Variants in ZC3H12C observed in about 807,000 individuals in gnomAD.
ZC3H12C encodes zinc finger CCCH-type containing 12C, also known as probable ribonuclease ZC3H12C.
In ZC3H12C, 20 loss-of-function variants were observed where a neutral mutation model predicts 76.3. The ratio of observed to expected loss-of-function variants is 0.26; its 90% CI spans 0.18 to 0.38. The LOEUF (loss-of-function observed/expected upper bound fraction) is 0.38, where lower values mean the gene tolerates loss of function less well. Ranked by LOEUF, ZC3H12C falls within the 10% of genes least tolerant of loss-of-function variation. The probability of loss-of-function intolerance (pLI) is 1.00; values close to 1 mark genes in which losing one functional copy is unlikely to be tolerated. For missense variants in ZC3H12C, 874 were observed against 1,086.5 expected, an observed-to-expected ratio of 0.80 and a Z score of 2.75; for synonymous variants, 352 against 399.6, an observed-to-expected ratio of 0.88 and a Z score of 1.42.
At chr11:110,163,692 C>T (rs902313414) in intron 5 of ZC3H12C, among the ~76,000 whole-genome samples, 18 of 152,268 alleles carry the variant, frequency 1.2e-4, no homozygotes, top group African/African-American at 4.3e-4. Flanking sequence ...ATGGTTCTAT[C>T]GCCCTACAGT....
intron 2 of ZC3H12C, among the ~76,000 whole-genome samples, chr11:110,138,769 G>T (rs657175): frequency 0.5 from 75,560 of 151,868 alleles, 19,081 homozygotes; most frequent in East Asian, 0.72. Flanking sequence ...ATGTTGGCCA[G>T]GCTGGTTTCA....
At chr11:110,141,757 C>T (rs144209516) in intron 2 of ZC3H12C, among the ~76,000 whole-genome samples, 4 of 152,288 alleles carry the variant, frequency 2.6e-5, no homozygotes, top group African/African-American at 9.6e-5. Flanking sequence ...AACTACATAT[C>T]ACATTTCGGA....
chr11:110,131,477 C>A lies in ZC3H12C; in HGVS notation c.22-5186C>A. On this transcript the variant is annotated intron_variant, in intron 1 of 5. Coordinates refer to ENST00000278590, the MANE Select transcript of ZC3H12C (RefSeq NM_033390.2). ...GTTTCTTAAGATGTCACTGTCGTAC[C>A]CAGGTGCTATAAAATGATAAGATTT... 6 of 221,450 alleles carry A rather than the reference C, an allele frequency of 2.7e-5. 1 individual carries two copies. In the South Asian group the frequency reaches 4.5e-4, roughly 17 times the overall value. The allele number at this position is 221,450 out of a possible 1,614,324, so 13.7% of individuals were successfully genotyped here. A position where few individuals can be genotyped will look rare whatever the true frequency, so the allele number is the denominator to read the frequency against.
At chr11:110,106,623 G>A (rs942667902) in intron 1 of ZC3H12C, among the ~76,000 whole-genome samples, 4 of 152,142 alleles carry the variant, frequency 2.6e-5, no homozygotes, top group South Asian at 4.1e-4. Context: ...GGTATATATC[G>A]AAGCACTTAA....
intron 1 of ZC3H12C, among the ~76,000 whole-genome samples, chr11:110,116,936 G>C (rs1487211411): frequency 1.3e-5 from 2 of 152,060 alleles, no homozygotes; most frequent in East Asian, 3.9e-4. Context: ...TCTTTTCTTT[G>C]TACTTTATAC....
At chr11:110,143,893 C>T (rs746134788) in intron 2 of ZC3H12C, among the ~76,000 whole-genome samples, 1 of 152,012 alleles carries the variant, frequency 6.6e-6, no homozygotes. Flanking sequence ...GTCCTTATCA[C>T]GATAGGTAGG....
intron 1 of ZC3H12C, among the ~76,000 whole-genome samples, chr11:110,094,313 C>T (rs1270734421): frequency 6.6e-6 from 1 of 152,106 alleles, no homozygotes; most frequent in African/African-American, 2.4e-5. Context: ...TATCCCAGGC[C>T]CATCAGGCGC....
intron 1 of ZC3H12C, among the ~76,000 whole-genome samples, chr11:110,093,747 C>A (rs1250583506): frequency 4.6e-5 from 7 of 152,112 alleles, no homozygotes; most frequent in Non-Finnish European, 7.4e-5. Context: ...CCGGTCCCCG[C>A]CCGCCCGGGG....
At chr11:110,121,210 G>A (rs1861645453) in intron 1 of ZC3H12C, among the ~76,000 whole-genome samples, 1 of 152,178 alleles carries the variant, frequency 6.6e-6, no homozygotes, top group Admixed American at 6.5e-5. Context: ...TTATGTGAGG[G>A]AAGTAAACAA....
Position 110,154,416 on chromosome 11 carries a change from G to A in ZC3H12C, c.913+1358G>A, listed in dbSNP as rs74241324. ...TTTTATGTATAATTATTACATCATTGTTAAATTAACATAAGAATGAATAGG... is the reference window on the plus strand; with the variant it reads ...TTTTATGTATAATTATTACATCATTATTAAATTAACATAAGAATGAATAGG... On this transcript the variant is annotated intron_variant, in intron 3 of 5. Coordinates refer to ENST00000278590, the MANE Select transcript of ZC3H12C (RefSeq NM_033390.2). 0.01 allele frequency among the ~76,000 whole-genome samples: 1,536 copies of A among 151,684 alleles called. 54 individuals carry two copies. The East Asian group carries it at 0.1, about 10-fold the overall frequency.
intron 1 of ZC3H12C, among the ~76,000 whole-genome samples, chr11:110,093,666 C>A (rs1002827833): frequency 2.0e-5 from 3 of 152,040 alleles, no homozygotes; most frequent in African/African-American, 7.2e-5. Flanking sequence ...ATCCTCCCCT[C>A]GGGCAACGCC....
intron 1 of ZC3H12C, among the ~76,000 whole-genome samples, chr11:110,110,883 T>C (rs765606956): frequency 6.6e-6 from 1 of 152,204 alleles, no homozygotes; most frequent in African/African-American, 2.4e-5. Context: ...AGAGTGTAAG[T>C]AGTATAATTT....
At chr11:110,159,722 C>T (rs1328686590) in intron 4 of ZC3H12C, among the ~76,000 whole-genome samples, 3 of 152,146 alleles carry the variant, frequency 2.0e-5, no homozygotes, top group Non-Finnish European at 4.4e-5. Flanking sequence ...TCATAGAACA[C>T]CTAAGGTAGA....
At chr11:110,112,944 T>C (rs909279502) in intron 1 of ZC3H12C, among the ~76,000 whole-genome samples, 1 of 152,002 alleles carries the variant, frequency 6.6e-6, no homozygotes, top group Non-Finnish European at 1.5e-5. Flanking sequence ...ATACCCGTCA[T>C]CTCTCCTGCC....
chr11:110,141,206 G>A (rs1862062192), intron 2 of ZC3H12C, among the ~76,000 whole-genome samples: 1 of 152,116 alleles, frequency 6.6e-6, no homozygotes, highest in South Asian at 2.1e-4. Context: ...TTTTCTTAAA[G>A]TTTGAACAGA....
chr11:110,154,601 C>T (rs1382349434), intron 3 of ZC3H12C, among the ~76,000 whole-genome samples: 1 of 151,708 alleles, frequency 6.6e-6, no homozygotes, highest in Non-Finnish European at 1.5e-5. Flanking sequence ...CAATAAATTC[C>T]AGGTGGTTGA....
chr11:110,157,046 G>C (rs1267903928), intron 3 of ZC3H12C, among the ~76,000 whole-genome samples: 1 of 152,030 alleles, frequency 6.6e-6, no homozygotes, highest in Non-Finnish European at 1.5e-5. Context: ...GGGCATGGTG[G>C]TGCACGCTTG....
At chr11:110,124,707 A>G (rs1861708926) in intron 1 of ZC3H12C, among the ~76,000 whole-genome samples, 1 of 152,168 alleles carries the variant, frequency 6.6e-6, no homozygotes, top group African/African-American at 2.4e-5. Flanking sequence ...CTGTCCCTTC[A>G]CCTTAAGTGG....
intron 4 of ZC3H12C, among the ~76,000 whole-genome samples, chr11:110,159,737 G>A (rs1862444457): frequency 6.6e-6 from 1 of 152,200 alleles, no homozygotes; most frequent in South Asian, 2.1e-4. Context: ...GGTAGAGGAA[G>A]TCTTCTAAGA....
Sources: gnomAD v4.1 joint callset for allele counts (sites outside exome capture counted in the v4.1 genomes callset) on GRCh38, gnomAD v4.1.1 for gene constraint, MANE v1.5 for transcripts, NCBI Gene and HGNC (gene_info 2026-07-23, HGNC 2026-07-21) for gene names.